Variants in KIF26B observed in about 807,000 individuals in gnomAD.
KIF26B encodes kinesin-like protein KIF26B.
KIF26B carries 63 observed loss-of-function variants against 151.2 expected under a neutral mutation model. The ratio of observed to expected loss-of-function variants is 0.42; its 90% confidence interval spans 0.34 to 0.51. KIF26B has a LOEUF of 0.51. Among genes scored for constraint, KIF26B ranks in the 20% least tolerant of loss-of-function variants. The pLI, the probability that KIF26B is intolerant of heterozygous loss-of-function variation, is 0.07. For missense variants in KIF26B, 2,813 were observed against 2,913.6 expected, an observed-to-expected ratio of 0.97 and a Z score of 0.79; for synonymous variants, 1,357 against 1,262.1, an observed-to-expected ratio of 1.08 and a Z score of -1.59.
rs1553338156 is a variant in KIF26B at position 245,244,756 on chromosome 1, T to TCACACTCACA, written c.465+88078_465+88079insTCACACACAC. 6.9e-6 allele frequency among the ~76,000 whole-genome samples: 1 copy of TCACACTCACA among 144,354 alleles called. No individual in the cohort carries two copies. The highest frequency in any genetic ancestry group is 1.5e-5 in the Non-Finnish European group (1 of 66,336). 94.7% of individuals were successfully genotyped at this position (144,354 alleles called of 152,430 possible). A position where few individuals can be genotyped will look rare whatever the true frequency, so the allele number is the denominator to read the frequency against. On this transcript the variant is annotated intron_variant, in intron 2 of 14. Coordinates refer to ENST00000407071, the MANE Select transcript of KIF26B (RefSeq NM_018012.4). This position sits in a 1 kb window ranked among gnomAD's most constrained non-coding sequence, Gnocchi z 4.2. ...AGAAGGAACACACAGACACGCACACTCACACACACACACACACACACACAC... is the reference window on the plus strand; with the variant it reads ...AGAAGGAACACACAGACACGCACACTCACACTCACACACACACACACACACACACACACAC...
chr1:245,169,162 C>T lies in KIF26B; in HGVS notation c.465+12479C>T, dbSNP rs181795617. Among the ~76,000 whole-genome samples the T allele has an allele frequency of 7.2e-5, 11 of 152,274 alleles. No homozygotes were observed. In the East Asian group the frequency reaches 1.2e-3, roughly 16 times the overall value. ...TCGTCCTTCCACCGAGCTCTCTGCA[C>T]GTATCTTACCAGGGCGTGAATGGAG... On this transcript the variant is annotated intron_variant, in intron 2 of 14. Coordinates refer to ENST00000407071, the MANE Select transcript of KIF26B (RefSeq NM_018012.4).
intron 4 of KIF26B, among the ~76,000 whole-genome samples, chr1:245,486,723 G>A (rs1012815906): frequency 6.6e-6 from 1 of 152,134 alleles, no homozygotes; most frequent in Non-Finnish European, 1.5e-5. Context: ...AGGCTGGAGT[G>A]TAGTAGCAAC....
chr1:245,664,010 T>A (rs554827821), intron 10 of KIF26B, among the ~76,000 whole-genome samples: 26 of 152,082 alleles, frequency 1.7e-4, no homozygotes, highest in Non-Finnish European at 3.4e-4. Context: ...CTTCACTTGC[T>A]TTTTTTTGGC....
chr1:245,652,979 G>A (rs1379724025), intron 10 of KIF26B, among the ~76,000 whole-genome samples: 1 of 152,166 alleles, frequency 6.6e-6, no homozygotes, highest in Non-Finnish European at 1.5e-5. Flanking sequence ...TATGTCTAAT[G>A]TCTGGGGTTA....
In KIF26B at chr1:245,475,913, C is replaced by T. The variant is rs1324661403; in HGVS notation, c.1166+56168C>T. 2.0e-5 allele frequency among the ~76,000 whole-genome samples: 3 copies of T among 151,808 alleles called. 1 individual carries two copies. The highest frequency in any genetic ancestry group is 4.4e-5 in the Non-Finnish European group (3 of 67,854). ...TAACAATTCCATTCTTAGGGATATA[C>T]CCAAGAGAACTGAAAACATACATCC... On this transcript the variant is annotated intron_variant, in intron 4 of 14. Transcript: ENST00000407071.
In KIF26B at chr1:245,706,643, T is replaced by G. The variant is rs2044845176; in HGVS notation, c.*4037T>G. 1 of 152,186 alleles carries G rather than the reference T, an allele frequency of 6.6e-6. No individual in the cohort carries two copies. Among genetic ancestry groups the G allele is most frequent in the African/African-American group, 2.4e-5 (1 of 41,430 alleles). The allele number at this position is 152,186 out of a possible 1,614,324, so 9.4% of individuals were successfully genotyped here. A position where few individuals can be genotyped will look rare whatever the true frequency, so the allele number is the denominator to read the frequency against. ...ACAATACGTCTTAAACCCTGAAAAC[T>G]TGCCAGTGAGAAAGAGGTTGAAAGT... is the stretch of plus-strand genomic sequence containing the variant. On this transcript the variant is annotated 3_prime_UTR_variant, in exon 15 of 15. Coordinates refer to ENST00000407071, the MANE Select transcript of KIF26B (RefSeq NM_018012.4).
chr1:245,544,327 T>C (rs747195392), intron 5 of KIF26B, among the ~76,000 whole-genome samples: 4 of 152,130 alleles, frequency 2.6e-5, no homozygotes, highest in Non-Finnish European at 5.9e-5. Context: ...AGCAAGTTGA[T>C]TGATTATTTA....
At chr1:245,677,388 T>C (rs1249982455) in intron 10 of KIF26B, among the ~76,000 whole-genome samples, 3 of 152,226 alleles carry the variant, frequency 2.0e-5, no homozygotes, top group South Asian at 2.1e-4. Flanking sequence ...GAACTTGGCT[T>C]CTCTATCCCA....
At chr1:245,473,450 G>A (rs1376728988) in intron 4 of KIF26B, among the ~76,000 whole-genome samples, 2 of 152,176 alleles carry the variant, frequency 1.3e-5, no homozygotes, top group Non-Finnish European at 2.9e-5. Context: ...GGTGTGGCAA[G>A]CTAGGCGAGT....
At chr1:245,681,558 C>T (rs1425916701) in intron 10 of KIF26B, among the ~76,000 whole-genome samples, 1 of 152,122 alleles carries the variant, frequency 6.6e-6, no homozygotes, top group Non-Finnish European at 1.5e-5. Context: ...CGTGGAGATA[C>T]AGGGGGATGC....
intron 5 of KIF26B, among the ~76,000 whole-genome samples, chr1:245,598,889 CA>C (rs767144918): frequency 2.7e-3 from 416 of 152,236 alleles, no homozygotes; most frequent in Admixed American, 6.0e-3. Context: ...ATCAGGGTGT[CA>C]GGGGGCCTTC....
intron 2 of KIF26B, among the ~76,000 whole-genome samples, chr1:245,365,518 C>CCT (rs1558404315): frequency 9.3e-5 from 14 of 151,202 alleles, no homozygotes; most frequent in African/African-American, 3.4e-4. Flanking sequence ...ACAACTCCCC[C>CCT]CCACCAGCCT....
chr1:245,450,546 G>A (rs1015696031), intron 4 of KIF26B, among the ~76,000 whole-genome samples: 1 of 152,200 alleles, frequency 6.6e-6, no homozygotes, highest in African/African-American at 2.4e-5. Flanking sequence ...GATGGGTACT[G>A]GGCTGTTGTT....
chr1:245,312,964 A>G (rs182715541), intron 2 of KIF26B, among the ~76,000 whole-genome samples: 62 of 152,194 alleles, frequency 4.1e-4, no homozygotes, highest in East Asian at 2.9e-3. Flanking sequence ...GATCGAGACC[A>G]TCCTGGCCAA....
intron 5 of KIF26B, among the ~76,000 whole-genome samples, chr1:245,559,044 G>C (rs746876108): frequency 3.3e-5 from 5 of 152,198 alleles, no homozygotes; most frequent in Non-Finnish European, 5.9e-5. Flanking sequence ...GTGCGGACAC[G>C]TGGCATTTAA....
At chr1:245,695,477 T>G (rs1315912501) in intron 12 of KIF26B, among the ~76,000 whole-genome samples, 2 of 152,124 alleles carry the variant, frequency 1.3e-5, no homozygotes. Flanking sequence ...TATCAATCCA[T>G]TCACGGGATT....
At chr1:245,501,786 G>A (rs975361225) in intron 4 of KIF26B, among the ~76,000 whole-genome samples, 13 of 152,164 alleles carry the variant, frequency 8.5e-5, no homozygotes, top group African/African-American at 2.9e-4. Flanking sequence ...ACACACAGAC[G>A]GAGGACCGTT....
chr1:245,360,650 C>T (rs1417395022), intron 2 of KIF26B, among the ~76,000 whole-genome samples: 2 of 152,132 alleles, frequency 1.3e-5, no homozygotes, highest in East Asian at 1.9e-4. Context: ...ACCTCCCATA[C>T]CCTTAACCAA....
rs763616338 is a variant in KIF26B, at chr1:245,318,040, C to T, written c.466-48794C>T. On this transcript the variant is annotated intron_variant, in intron 2 of 14. Transcript: ENST00000407071. This position sits in a 1 kb window ranked among gnomAD's most constrained non-coding sequence, Gnocchi z 4.0. ...TTTCCAGGTTAGTGCAGCGCCTGAC[C>T]TCTCTCCAGAGGCACCCTCGTTTAG... 6.6e-6 allele frequency among the ~76,000 whole-genome samples: 1 copy of T among 152,178 alleles called. No individual in the cohort carries two copies. Among genetic ancestry groups the T allele is most frequent in the Non-Finnish European group, 1.5e-5 (1 of 68,038 alleles).
Sources: allele counts gnomAD v4.1 joint callset (sites outside exome capture counted in the v4.1 genomes callset), GRCh38; gene constraint gnomAD v4.1.1; non-coding constraint Gnocchi (gnomAD v3.1); transcripts MANE v1.5; gene names NCBI Gene and HGNC (gene_info 2026-07-23, HGNC 2026-07-21).